SLIT3: variants seen among roughly 807,000 people sequenced by gnomAD.
SLIT3 encodes the protein slit homolog 3 protein.
Under a neutral mutation model 184.0 loss-of-function variants are expected in SLIT3, and 68 were observed. The observed-to-expected ratio is 0.37, with a 90% CI of 0.30 to 0.45. SLIT3 has a LOEUF of 0.45. SLIT3 is among the 20% of genes least tolerant of loss of function. The pLI, the probability that SLIT3 is intolerant of heterozygous loss-of-function variation, is 1.00. For synonymous variants in SLIT3, 831 were observed against 828.6 expected (o/e 1.00, Z -0.05); for missense variants, 1,707 against 2,026.0 (o/e 0.84, Z 3.02).
chr5:169,196,081 C>T (rs975707592), intron 3 of SLIT3, among the ~76,000 whole-genome samples: 2 of 152,100 alleles, frequency 1.3e-5, no homozygotes, highest in Admixed American at 6.5e-5. Flanking sequence ...ATCACCGTTC[C>T]ACTGTCTGTC....
intron 5 of SLIT3, among the ~76,000 whole-genome samples, chr5:168,848,593 C>T (rs1297193485): frequency 1.3e-5 from 2 of 152,032 alleles, no homozygotes; most frequent in South Asian, 2.1e-4. Flanking sequence ...GCTCTAATTT[C>T]CCCAGGAAGC....
intron 4 of SLIT3, among the ~76,000 whole-genome samples, chr5:169,044,611 G>A (rs1409331721): frequency 6.6e-6 from 1 of 151,438 alleles, no homozygotes; most frequent in Non-Finnish European, 1.5e-5. Context: ...GGGAGAAATT[G>A]TTAATGGGTA....
chr5:168,720,768 T>A (rs1386217666), intron 23 of SLIT3: 1 of 152,256 alleles, frequency 6.6e-6, no homozygotes, highest in African/African-American at 2.4e-5. Flanking sequence ...GGCACTTCTT[T>A]GCCCCCAGAG....
At chr5:168,987,835 A>G (rs749494460) in intron 4 of SLIT3, among the ~76,000 whole-genome samples, 6 of 152,262 alleles carry the variant, frequency 3.9e-5, no homozygotes, top group Non-Finnish European at 8.8e-5. Flanking sequence ...TGGAATATAT[A>G]GATGACTTCT....
chr5:169,291,989 A>G (rs1767372904), intron 1 of SLIT3, among the ~76,000 whole-genome samples: 1 of 152,242 alleles, frequency 6.6e-6, no homozygotes, highest in African/African-American at 2.4e-5. Flanking sequence ...CCAGGCACAA[A>G]GAAAGGCTCA....
At chr5:168,905,513 T>C (rs1443985610) in intron 4 of SLIT3, among the ~76,000 whole-genome samples, 2 of 152,218 alleles carry the variant, frequency 1.3e-5, no homozygotes, top group Non-Finnish European at 2.9e-5. Flanking sequence ...TGTGTGACTA[T>C]AAAATATGAG....
chr5:168,729,062 G>C (rs188007801), intron 20 of SLIT3, among the ~76,000 whole-genome samples: 1 of 151,922 alleles, frequency 6.6e-6, no homozygotes, highest in Middle Eastern at 3.4e-3. Flanking sequence ...CTTGAAGACA[G>C]GTCTTTTAAA....
chr5:168,784,876 C>T lies in SLIT3; in HGVS notation c.1151+1031G>A, dbSNP rs73805221. The stretch of plus-strand genomic sequence containing the variant: ...GGAGGTGATTTTAAAAAGACACACA[C>T]ACACACACACACGCACACACACACC... On this transcript the variant is annotated intron_variant, in intron 12 of 35. Transcript: ENST00000519560. Among the ~76,000 whole-genome samples the T allele has an allele frequency of 9.7e-3, 1,470 of 152,158 alleles. 18 individuals are homozygous for T. Among genetic ancestry groups the T allele is most frequent in the African/African-American group, 0.034 (1,399 of 41,510 alleles).
chr5:168,704,805 T>G (rs1291230133), intron 26 of SLIT3, among the ~76,000 whole-genome samples: 1 of 152,166 alleles, frequency 6.6e-6, no homozygotes, highest in Non-Finnish European at 1.5e-5. Flanking sequence ...AAGAGGTAAA[T>G]GCCTGAACTT....
At chr5:168,746,417 TGA>T (rs1763816817) in intron 20 of SLIT3, among the ~76,000 whole-genome samples, 1 of 60,322 alleles carries the variant, frequency 1.7e-5, no homozygotes, top group Admixed American at 1.9e-4. Context: ...GTGTAGTGTG[TGA>T]GTGTGGTGGT....
rs111417834 is a variant in SLIT3 at position 169,052,255 on chromosome 5, T to C, written c.413+141224A>G. Among the ~76,000 whole-genome samples, 959 of 152,308 alleles carry C rather than the reference T, an allele frequency of 6.3e-3. 14 individuals are homozygous for C. The highest frequency in any genetic ancestry group is 0.022 in the African/African-American group (905 of 41,566). On this transcript the variant is annotated intron_variant, in intron 4 of 35. Transcript: ENST00000519560. ...CTTGTGATTTTTTTCTTTCTTTTCC[T>C]GAGTCAATGAATGCCAGATGTTCTC... is the stretch of plus-strand genomic sequence containing the variant.
At position 169,216,305 on chromosome 5, in the gene SLIT3, A is replaced by G. The variant is rs372409727; in HGVS notation, c.342-22755T>C. On this transcript the variant is annotated intron_variant, in intron 3 of 35. Transcript: ENST00000519560. Reference sequence around the variant, plus strand: ...GTCTGACACTGCTTTCCTGTGTCCAATGGATTCATCTCTGCTCTGGGCCCC... The same window carrying G: ...GTCTGACACTGCTTTCCTGTGTCCAGTGGATTCATCTCTGCTCTGGGCCCC... 6.6e-5 allele frequency among the ~76,000 whole-genome samples: 10 copies of G among 152,274 alleles called. No homozygotes were observed. The South Asian group carries it at 1.0e-3, about 16-fold the overall frequency.
chr5:168,991,299 C>T (rs1022677226), intron 4 of SLIT3, among the ~76,000 whole-genome samples: 1 of 152,214 alleles, frequency 6.6e-6, no homozygotes, highest in Non-Finnish European at 1.5e-5. Context: ...GAGCTAAGAA[C>T]ACTGAGGCTC....
chr5:169,136,070 G>T (rs1761490990), intron 4 of SLIT3, among the ~76,000 whole-genome samples: 1 of 152,190 alleles, frequency 6.6e-6, no homozygotes, highest in Non-Finnish European at 1.5e-5. Context: ...AAAACCAGAA[G>T]GGGAGAACTA....
chr5:169,115,884 T>C (rs1760644006), intron 4 of SLIT3, among the ~76,000 whole-genome samples: 1 of 152,184 alleles, frequency 6.6e-6, no homozygotes, highest in African/African-American at 2.4e-5. Flanking sequence ...CACCCCCACT[T>C]TGGACAAGGG....
At chr5:169,223,509 C>T (rs192345661) in intron 3 of SLIT3, among the ~76,000 whole-genome samples, 1 of 152,300 alleles carries the variant, frequency 6.6e-6, no homozygotes, top group Admixed American at 6.5e-5. Flanking sequence ...GGGATTAGTG[C>T]AAATCAGGAC....
At chr5:168,989,175 A>T (rs62378612) in intron 4 of SLIT3, among the ~76,000 whole-genome samples, 6,942 of 152,326 alleles carry the variant, frequency 0.046, 178 homozygotes, top group Non-Finnish European at 0.057. Flanking sequence ...AATCCATACA[A>T]GACGGAATAT....
At chr5:168,677,907 T>A (rs1474795744) in intron 32 of SLIT3, among the ~76,000 whole-genome samples, 1 of 152,182 alleles carries the variant, frequency 6.6e-6, no homozygotes. Context: ...TGGAAGAACC[T>A]GCCTATGGAT....
chr5:168,962,970 G>A (rs10475528), intron 4 of SLIT3, among the ~76,000 whole-genome samples: 6,583 of 152,222 alleles, frequency 0.043, 315 homozygotes, highest in East Asian at 0.14. Context: ...CCCCGAAACT[G>A]TCCATCTCAG....
Sources: gnomAD v4.1 joint callset for allele counts (sites outside exome capture counted in the v4.1 genomes callset) on GRCh38, gnomAD v4.1.1 for gene constraint, MANE v1.5 for transcripts, NCBI Gene and HGNC (gene_info 2026-07-23, HGNC 2026-07-21) for gene names.